COL27A1: variants seen among roughly 807,000 people sequenced by gnomAD.
COL27A1 encodes collagen type XXVII alpha 1 chain, also known as collagen alpha-1(XXVII) chain.
Under a neutral mutation model 251.3 loss-of-function variants are expected in COL27A1, and 106 were observed. The ratio of observed to expected loss-of-function variants is 0.42; its 90% CI spans 0.36 to 0.50. The LOEUF (loss-of-function observed/expected upper bound fraction) is 0.50. Among genes scored for constraint, COL27A1 ranks in the 20% least tolerant of loss-of-function variants. The pLI is 0.00. For synonymous variants in COL27A1, 1,000 were observed against 986.3 expected (o/e 1.01, Z -0.26); for missense variants, 2,325 against 2,522.8 (o/e 0.92, Z 1.68).
At position 114,284,177 on chromosome 9, in the gene COL27A1, C is replaced by T. The variant is rs551754984; in HGVS notation, c.3933+415C>T. On this transcript the variant is annotated intron_variant, in intron 40 of 60. Transcript: ENST00000356083. ...ATGGTGCCTACTCAGAAGGGGAAAC[C>T]AGGGCTCAGGAGGATAAAGAGCATG... is the stretch of plus-strand genomic sequence containing the variant. Among the ~76,000 whole-genome samples, 3 of 152,316 alleles carry T rather than the reference C, an allele frequency of 2.0e-5. No individual in the cohort carries two copies. The East Asian group carries it at 5.8e-4, about 29-fold the overall frequency.
chr9:114,230,526 A>G (rs1331268554), intron 14 of COL27A1, among the ~76,000 whole-genome samples: 1 of 152,196 alleles, frequency 6.6e-6, no homozygotes, highest in Admixed American at 6.5e-5. Flanking sequence ...CCTGTGGTCC[A>G]GGATCTGCCA....
At chr9:114,302,844 G>A (rs370371780) in intron 56 of COL27A1, among the ~76,000 whole-genome samples, 76 of 151,836 alleles carry the variant, frequency 5.0e-4, no homozygotes, top group African/African-American at 1.4e-3. Context: ...GCCCTATGAC[G>A]AGTCCATCCA....
At chr9:114,191,930 TATC>T (rs1280412889) in intron 5 of COL27A1, among the ~76,000 whole-genome samples, 2 of 152,192 alleles carry the variant, frequency 1.3e-5, no homozygotes, top group African/African-American at 4.8e-5. Context: ...TATTAATGCT[TATC>T]ATCATCACTG....
intron 5 of COL27A1, among the ~76,000 whole-genome samples, chr9:114,184,533 C>G (rs1828182860): frequency 6.6e-6 from 1 of 152,198 alleles, no homozygotes; most frequent in South Asian, 2.1e-4. Flanking sequence ...GGCTGGGTTC[C>G]TTTCCGGAAG....
intron 49 of COL27A1, among the ~76,000 whole-genome samples, chr9:114,294,247 CAAAAAAAAAAAA>C (rs58536000): frequency 3.6e-5 from 3 of 84,288 alleles, no homozygotes; most frequent in Non-Finnish European, 4.6e-5. Context: ...GACTCTGTCT[CAAAAAAAAAAAA>C]AAAAAAAAAA....
intron 1 of COL27A1, among the ~76,000 whole-genome samples, chr9:114,159,058 T>G (rs1013615103): frequency 6.6e-6 from 1 of 152,140 alleles, no homozygotes; most frequent in African/African-American, 2.4e-5. Context: ...CTTGGGAAGT[T>G]TATGGGTCAA....
chr9:114,242,870 G>A (rs913040751), intron 22 of COL27A1, among the ~76,000 whole-genome samples: 2 of 152,100 alleles, frequency 1.3e-5, no homozygotes, highest in South Asian at 4.1e-4. Context: ...GAGAATTCAC[G>A]CTATTTTCCA....
intron 19 of COL27A1, among the ~76,000 whole-genome samples, chr9:114,237,964 G>A (rs1042267028): frequency 3.3e-5 from 5 of 152,186 alleles, no homozygotes; most frequent in African/African-American, 1.2e-4. Flanking sequence ...CAACTTTGTG[G>A]CCACCGCAGC....
intron 3 of COL27A1, among the ~76,000 whole-genome samples, chr9:114,174,825 G>T (rs1827279363): frequency 6.6e-6 from 1 of 152,196 alleles, no homozygotes; most frequent in Non-Finnish European, 1.5e-5. Context: ...AGGGAAGTCT[G>T]GGTGCCCTGT....
chr9:114,300,994 G>C, intron 51 of COL27A1, 78 bp from the exon 52 acceptor site: 1 of 1,414,150 alleles, frequency 7.1e-7, no homozygotes, highest in East Asian at 2.3e-5. Flanking sequence ...CGACGCTCGG[G>C]CTGCCCTCCA....
intron 1 of COL27A1, among the ~76,000 whole-genome samples, chr9:114,156,363 T>G (rs2134980019): frequency 6.7e-6 from 1 of 150,022 alleles, no homozygotes; most frequent in Non-Finnish European, 1.5e-5. Context: ...GGGGTCTCCG[T>G]TTGGGGCCGT....
chr9:114,199,105 A>G (rs1033282165), intron 7 of COL27A1, among the ~76,000 whole-genome samples: 5 of 152,218 alleles, frequency 3.3e-5, no homozygotes, highest in African/African-American at 1.2e-4. Context: ...GAAGGCTGCC[A>G]GAACTCCATG....
In COL27A1 at chr9:114,306,581, A is replaced by G. The variant is rs937028570; in HGVS notation, c.5000A>G (p.His1667Arg). The change falls in exon 58 of 61, where the codon CAC becomes CGC. Residue 1667 changes from histidine to arginine, a missense_variant. Transcript: ENST00000356083. ...GGAGGAGAGATCTTTAAAACCTTAC[A>G]CTACCTCAGCAACCTCATCCAGAGC... ...DQGGEIFKTL[H>R]YLSNLIQSIK... 3 of 1,613,980 alleles carry G rather than the reference A, an allele frequency of 1.9e-6. No homozygotes were observed. Among genetic ancestry groups the G allele is most frequent in the East Asian group, 2.2e-5 (1 of 44,856 alleles).
At chr9:114,299,289 G>A (rs1348526908) in intron 49 of COL27A1, among the ~76,000 whole-genome samples, 1 of 152,158 alleles carries the variant, frequency 6.6e-6, no homozygotes, top group Non-Finnish European at 1.5e-5. Context: ...TATAATATAA[G>A]GCTAGGAGAT....
chr9:114,209,265 T>G (rs1047911734), intron 10 of COL27A1, among the ~76,000 whole-genome samples: 1 of 152,188 alleles, frequency 6.6e-6, no homozygotes. Context: ...ATCCAGGACC[T>G]TGAAGGCCTA....
chr9:114,301,190 C>T, intron 52 of COL27A1, 65 bp downstream of exon 52: 1 of 1,611,188 alleles, frequency 6.2e-7, no homozygotes, highest in Non-Finnish European at 8.5e-7. Flanking sequence ...CAGATTGTCT[C>T]TGTGACTCAG....
intron 32 of COL27A1, among the ~76,000 whole-genome samples, chr9:114,266,250 G>A (rs969512838): frequency 3.3e-5 from 5 of 152,134 alleles, no homozygotes; most frequent in Admixed American, 2.0e-4. Context: ...ACATGGATCC[G>A]AGGTGGAAGA....
At chr9:114,280,070 T>C (rs914684870) in intron 37 of COL27A1, among the ~76,000 whole-genome samples, 2 of 152,216 alleles carry the variant, frequency 1.3e-5, no homozygotes, top group Admixed American at 6.5e-5. Context: ...GTTTAGATTT[T>C]CATTGTATAT....
chr9:114,205,789 G>C lies in COL27A1; in HGVS notation c.2200G>C (p.Ala734Pro). The C allele has an allele frequency of 3.1e-6, 5 of 1,613,842 alleles. No homozygotes were observed. The highest frequency in any genetic ancestry group is 4.2e-6 in the Non-Finnish European group (5 of 1,179,888). The part of the protein sequence containing the change: ...GQPGPEGSPG[A>P]KGYPGRQGLP... ...GCCAGGACCTGAGGGCAGCCCAGGG[G>C]CCAAAGGTTACCCTGGCAGGCAGGT... Residue 734 changes from alanine (A) to proline (P), a missense_variant, in exon 9 of 61, where the codon GCC becomes CCC. Physicochemically the swap from Ala to Pro is conservative, Grantham distance 27 (BLOSUM62 -1). Around this residue, in one of 4 missense-constraint regions of COL27A1, gnomAD observed 1,183 missense variants for 1,144.1 expected, o/e 1.03. Coordinates refer to ENST00000356083, the MANE Select transcript of COL27A1 (RefSeq NM_032888.4).
Sources: allele counts gnomAD v4.1 joint callset (sites outside exome capture counted in the v4.1 genomes callset), GRCh38; gene constraint gnomAD v4.1.1; regional missense constraint gnomAD v4.1.1; transcripts MANE v1.5; gene names NCBI Gene and HGNC (gene_info 2026-07-23, HGNC 2026-07-21).